RGSL1: variants seen among roughly 807,000 people sequenced by gnomAD.
The protein encoded by RGSL1 is regulator of G protein signaling like 1.
In RGSL1, 97 loss-of-function variants were observed where a neutral mutation model predicts 124.7. The ratio of observed to expected loss-of-function variants is 0.78; its 90% CI spans 0.66 to 0.92. RGSL1 has a LOEUF of 0.92. Ranked by LOEUF, RGSL1 falls within the 40% of genes least tolerant of loss-of-function variation. The probability of loss-of-function intolerance (pLI) is 0.00; values close to 1 mark genes in which losing one functional copy is unlikely to be tolerated. For synonymous variants in RGSL1, 424 were observed against 438.1 expected, an observed-to-expected ratio of 0.97 and a Z score of 0.40; for missense variants, 1,233 against 1,288.4, an observed-to-expected ratio of 0.96 and a Z score of 0.66.
rs563110832 is a variant in RGSL1, at chr1:182,536,940, T to C, written c.2495-3307T>C. Among the ~76,000 whole-genome samples the C allele has an allele frequency of 5.9e-5, 9 of 152,284 alleles. No individual in the cohort carries two copies. The South Asian group carries it at 1.7e-3, about 28-fold the overall frequency. On this transcript the variant is annotated intron_variant, in intron 14 of 21. Coordinates refer to ENST00000294854, the MANE Select transcript of RGSL1 (RefSeq NM_001137669.2). ...GCCAAACCATATAATTTGCCATACA[T>C]ACAGTGCGTTTTTTAGTGAAGTGTC...
At chr1:182,499,725 T>C (rs563505433) in intron 9 of RGSL1, among the ~76,000 whole-genome samples, 9 of 152,328 alleles carry the variant, frequency 5.9e-5, no homozygotes, top group African/African-American at 2.2e-4. Flanking sequence ...CATTAGCTGG[T>C]TATTATGCAG....
chr1:182,466,684 TAAAC>T (rs1280894027), intron 4 of RGSL1, among the ~76,000 whole-genome samples: 4 of 152,048 alleles, frequency 2.6e-5, no homozygotes, highest in Non-Finnish European at 5.9e-5. Context: ...AAAGAAGACA[TAAAC>T]AAATGCCTCT....
chr1:182,499,526 G>A (rs983263091), intron 9 of RGSL1, among the ~76,000 whole-genome samples: 1 of 152,124 alleles, frequency 6.6e-6, no homozygotes, highest in African/African-American at 2.4e-5. Context: ...CCATTTGCTT[G>A]GTAGATTTTT....
intron 9 of RGSL1, among the ~76,000 whole-genome samples, chr1:182,509,775 C>G (rs1490900950): frequency 3.0e-5 from 4 of 134,610 alleles, no homozygotes. Context: ...GGCTGACCCC[C>G]CACCTCCCTC....
At chr1:182,512,259 T>C (rs994414421) in intron 9 of RGSL1, among the ~76,000 whole-genome samples, 1 of 152,238 alleles carries the variant, frequency 6.6e-6, no homozygotes, top group African/African-American at 2.4e-5. Context: ...TATTATTATA[T>C]AGTGACTCTC....
rs561705671 is a variant in RGSL1 at position 182,474,003 on chromosome 1, G to A, written c.892G>A (p.Ala298Thr). 6 of 1,551,840 alleles carry A rather than the reference G, an allele frequency of 3.9e-6. No homozygotes were observed. The South Asian group carries it at 5.9e-5, about 15-fold the overall frequency. The change falls in exon 6 of 22, where the codon GCT (alanine) becomes ACT (threonine). Residue 298 changes from alanine (A) to threonine (T), a missense_variant. By Grantham distance (58) the Ala-to-Thr change is moderately conservative. Coordinates refer to ENST00000294854, the MANE Select transcript of RGSL1 (RefSeq NM_001137669.2). ...TATACAAATGCCTTCCCTGAAAATG[G>A]CTTCTTCAAAGGAAACAAGAATCAG... is the stretch of plus-strand genomic sequence containing the variant. ...VVIQMPSLKMASSKETRISSL... is the reference protein window; with the variant it reads ...VVIQMPSLKMTSSKETRISSL...
At chr1:182,469,951 A>G (rs2584820) in intron 4 of RGSL1, among the ~76,000 whole-genome samples, 11,953 of 152,150 alleles carry the variant, frequency 0.079, 641 homozygotes, top group East Asian at 0.26. Context: ...GGTACTTAGG[A>G]TAGTCAAAGT....
At chr1:182,530,426 T>C (rs1334742223) in intron 12 of RGSL1, 65 bp downstream of exon 12, 3 of 1,233,628 alleles carry the variant, frequency 2.4e-6, no homozygotes, top group African/African-American at 3.0e-5. Context: ...GAAAGCCATA[T>C]GCATCAAGGG....
chr1:182,479,853 A>G (rs536203540), intron 6 of RGSL1, among the ~76,000 whole-genome samples: 97 of 152,366 alleles, frequency 6.4e-4, no homozygotes, highest in African/African-American at 2.2e-3. Context: ...CAGATAAGAT[A>G]GAATTTAAGT....
At chr1:182,456,631 T>C (rs1016162528) in intron 2 of RGSL1, among the ~76,000 whole-genome samples, 3 of 152,078 alleles carry the variant, frequency 2.0e-5, no homozygotes, top group Non-Finnish European at 2.9e-5. Context: ...AATCAGTCAA[T>C]TCACCAACAC....
intron 6 of RGSL1, among the ~76,000 whole-genome samples, chr1:182,487,465 C>T (rs1163581188): frequency 6.6e-6 from 1 of 152,186 alleles, no homozygotes; most frequent in Admixed American, 6.5e-5. Context: ...TTTCCTATCC[C>T]GATGCCTTTG....
chr1:182,489,813 C>T (rs1655386646), intron 8 of RGSL1, among the ~76,000 whole-genome samples: 1 of 152,198 alleles, frequency 6.6e-6, no homozygotes, highest in Non-Finnish European at 1.5e-5. Flanking sequence ...TAATAACAAA[C>T]TTGTGCAGGT....
intron 15 of RGSL1, among the ~76,000 whole-genome samples, chr1:182,545,963 A>G (rs1255876333): frequency 6.6e-6 from 1 of 152,050 alleles, no homozygotes; most frequent in Non-Finnish European, 1.5e-5. Flanking sequence ...GTCTTTGTCA[A>G]GTTTTAGAAT....
At position 182,474,425 on chromosome 1, in the gene RGSL1, T is replaced by C. The variant is rs944734079; in HGVS notation, c.1314T>C (p.Asn438=). The change falls in exon 6 of 22, where the codon AAT becomes AAC. Residue 438 remains asparagine, a synonymous_variant. Coordinates refer to ENST00000294854, the MANE Select transcript of RGSL1 (RefSeq NM_001137669.2). The stretch of plus-strand genomic sequence containing the variant: ...ACAGAATCTGCGAGCTCTACCTGAA[T>C]GAGCAGATTGGTCCGTGCTTACCAC... ...LGDRICELYL[N]EQIGPCLPLK... 6.4e-7 allele frequency: 1 copy of C among 1,552,032 alleles called. No homozygotes were observed. The highest frequency in any genetic ancestry group is 8.7e-7 in the Non-Finnish European group (1 of 1,147,048).
At chr1:182,493,213 G>T (rs1322938407) in intron 9 of RGSL1, 84 bp downstream of exon 9, 2 of 950,220 alleles carry the variant, frequency 2.1e-6, no homozygotes, top group Non-Finnish European at 3.2e-6. Context: ...GTTCTTTAAG[G>T]AACATAAGCC....
At chr1:182,553,055 C>G (rs1462621242) in intron 18 of RGSL1, among the ~76,000 whole-genome samples, 1 of 152,158 alleles carries the variant, frequency 6.6e-6, no homozygotes, top group Non-Finnish European at 1.5e-5. Context: ...CAGGTGAACA[C>G]CACCATGCCC....
At chr1:182,548,969 C>A (rs1660397637) in intron 17 of RGSL1, 145 bp downstream of exon 17, 1 of 969,092 alleles carries the variant, frequency 1.0e-6, no homozygotes, top group Non-Finnish European at 1.5e-6. Flanking sequence ...ATCCTATTCA[C>A]CTCACTCCAT....
chr1:182,457,480 A>T (rs1232267955), intron 2 of RGSL1, among the ~76,000 whole-genome samples: 1 of 152,216 alleles, frequency 6.6e-6, no homozygotes, highest in Non-Finnish European at 1.5e-5. Flanking sequence ...ACATGCAGAC[A>T]GCAACATCAC....
At chr1:182,487,012 G>C (rs114051546) in intron 6 of RGSL1, among the ~76,000 whole-genome samples, 3,054 of 152,182 alleles carry the variant, frequency 0.02, 99 homozygotes, top group African/African-American at 0.07. Flanking sequence ...GATGTTAATA[G>C]GGTGCTCATT....
Sources: gnomAD v4.1 joint callset for allele counts (sites outside exome capture counted in the v4.1 genomes callset) on GRCh38, gnomAD v4.1.1 for gene constraint, MANE v1.5 for transcripts, NCBI Gene and HGNC (gene_info 2026-07-23, HGNC 2026-07-21) for gene names.